Variants in IQCH observed in about 807,000 individuals in gnomAD.
IQCH encodes the protein IQ motif containing H.
A neutral mutation model predicts 117.0 loss-of-function variants in IQCH; 98 were observed. The observed-to-expected ratio is 0.84, with a 90% CI of 0.71 to 0.99. IQCH has a LOEUF of 0.99. IQCH is among the 50% of genes least tolerant of loss of function. The pLI, the probability that IQCH is intolerant of heterozygous loss-of-function variation, is 0.00. For synonymous variants in IQCH, 412 were observed against 448.2 expected, an observed-to-expected ratio of 0.92 and a Z score of 1.02; for missense variants, 1,102 against 1,243.8, an observed-to-expected ratio of 0.89 and a Z score of 1.72.
rs554569585 is a variant in IQCH, at chr15:67,474,642, G to A, written c.2677-1054G>A. 2.0e-4 allele frequency among the ~76,000 whole-genome samples: 30 copies of A among 148,734 alleles called. No individual in the cohort carries two copies. The highest frequency in any genetic ancestry group is 4.1e-4 in the East Asian group (2 of 4,916). On this transcript the variant is annotated intron_variant, in intron 17 of 20. Coordinates refer to ENST00000335894, the MANE Select transcript of IQCH (RefSeq NM_001031715.3). This position sits in a 1 kb window ranked among gnomAD's most constrained non-coding sequence, Gnocchi z 4.1. The stretch of plus-strand genomic sequence containing the variant: ...TAGACAAGCAAGATAAAGAAGAGCC[G>A]TTTCCCCAAAGAAAGCAGCATCAAA...
chr15:67,489,376 A>G (rs1298580818), intron 18 of IQCH, among the ~76,000 whole-genome samples: 1 of 151,760 alleles, frequency 6.6e-6, no homozygotes, highest in Non-Finnish European at 1.5e-5. Context: ...CCCAGGCTGG[A>G]GTGCAATGGC....
intron 10 of IQCH, among the ~76,000 whole-genome samples, chr15:67,377,532 C>T (rs2140807419): frequency 6.6e-6 from 1 of 152,310 alleles, no homozygotes; most frequent in South Asian, 2.1e-4. Flanking sequence ...ATTTTGCTCC[C>T]AGTTTCTTTG....
At chr15:67,478,080 C>T (rs2083248236) in intron 18 of IQCH, among the ~76,000 whole-genome samples, 1 of 152,108 alleles carries the variant, frequency 6.6e-6, no homozygotes, top group African/African-American at 2.4e-5. Context: ...TCACTGAAGA[C>T]AGCTACAGAA....
At chr15:67,471,402 A>G (rs2083068345) in intron 17 of IQCH, among the ~76,000 whole-genome samples, 1 of 152,190 alleles carries the variant, frequency 6.6e-6, no homozygotes, top group African/African-American at 2.4e-5. Flanking sequence ...TTCTATTTGT[A>G]TAATGCTTTA....
chr15:67,275,769 A>G (rs1039380907), intron 3 of IQCH, among the ~76,000 whole-genome samples: 8 of 151,988 alleles, frequency 5.3e-5, no homozygotes, highest in Non-Finnish European at 1.2e-4. Context: ...AGTCCCAGCT[A>G]CTCTGGAGGC....
intron 16 of IQCH, among the ~76,000 whole-genome samples, chr15:67,444,059 A>G (rs1298015409): frequency 5.9e-5 from 9 of 151,722 alleles, no homozygotes; most frequent in Non-Finnish European, 1.3e-4. Context: ...CACTGGATTG[A>G]TAGTGACTTG....
rs181906755 is a variant in IQCH at position 67,459,404 on chromosome 15, C to T, written c.2506-5723C>T. Among the ~76,000 whole-genome samples, 1 of 152,292 alleles carries T rather than the reference C, an allele frequency of 6.6e-6. No homozygotes were observed. Among genetic ancestry groups the T allele is most frequent in the East Asian group, 1.9e-4 (1 of 5,190 alleles). On this transcript the variant is annotated intron_variant, in intron 16 of 20. Coordinates refer to ENST00000335894, the MANE Select transcript of IQCH (RefSeq NM_001031715.3). This position sits in a 1 kb window ranked among gnomAD's most constrained non-coding sequence, Gnocchi z 4.2. ...CCCTTTGCTGAGAACTTTATTTGCACAGAATGTAGGGCCTGAGCACATCTG... is the reference window on the plus strand; with the variant it reads ...CCCTTTGCTGAGAACTTTATTTGCATAGAATGTAGGGCCTGAGCACATCTG...
intron 4 of IQCH, among the ~76,000 whole-genome samples, chr15:67,322,365 C>G (rs2140603272): frequency 6.6e-6 from 1 of 152,242 alleles, no homozygotes; most frequent in East Asian, 1.9e-4. Flanking sequence ...TACTTTCAAC[C>G]TGTGTCTTTA....
At chr15:67,270,312 A>C (rs1965848367) in intron 3 of IQCH, among the ~76,000 whole-genome samples, 1 of 152,210 alleles carries the variant, frequency 6.6e-6, no homozygotes, top group African/African-American at 2.4e-5. Context: ...CCTAGAGGAA[A>C]GGCATCCAGT....
rs1208834637 is a variant in IQCH, at chr15:67,465,538, C to T, written c.2676+241C>T. On this transcript the variant is annotated intron_variant, in intron 17 of 20. Transcript: ENST00000335894. The surrounding 1 kb of genome is among the most constrained non-coding windows in gnomAD (Gnocchi z 5.9). Reference sequence around the variant, plus strand: ...GCGAAAGAGCATGGGGCTCTCCTCCCCTTTTTCTAGGCAGGTACACCTACA... The same window carrying T: ...GCGAAAGAGCATGGGGCTCTCCTCCTCTTTTTCTAGGCAGGTACACCTACA... Among the ~76,000 whole-genome samples the T allele has an allele frequency of 6.6e-6, 1 of 152,128 alleles. No homozygotes were observed. Among genetic ancestry groups the T allele is most frequent in the Non-Finnish European group, 1.5e-5 (1 of 68,028 alleles).
chr15:67,478,327 G>A (rs1451043948), intron 18 of IQCH, among the ~76,000 whole-genome samples: 6 of 152,054 alleles, frequency 3.9e-5, no homozygotes, highest in Non-Finnish European at 8.8e-5. Context: ...AGAGGTTGCA[G>A]TGAGTCAAGA....
chr15:67,300,579 T>C (rs1459067768), intron 4 of IQCH, among the ~76,000 whole-genome samples: 16 of 152,198 alleles, frequency 1.1e-4, no homozygotes, highest in Admixed American at 1.0e-3. Context: ...GAATATGATA[T>C]TAAGCAATAT....
In IQCH at chr15:67,442,885, A is replaced by AT. The variant is rs1567193409; in HGVS notation, c.2505+21308_2505+21309insT. Among the ~76,000 whole-genome samples the AT allele has an allele frequency of 1.6e-3, 231 of 148,542 alleles. 2 individuals carry two copies. The highest frequency in any genetic ancestry group is 4.7e-3 in the African/African-American group (192 of 40,660). On this transcript the variant is annotated intron_variant, in intron 16 of 20. Coordinates refer to ENST00000335894, the MANE Select transcript of IQCH (RefSeq NM_001031715.3). ...ATAGATATACATATATATATATATA[A>AT]AATACATATAGATATACATACACAC...
intron 18 of IQCH, among the ~76,000 whole-genome samples, chr15:67,486,928 G>A (rs919866961): frequency 2.0e-5 from 3 of 152,154 alleles, no homozygotes; most frequent in Non-Finnish European, 2.9e-5. Flanking sequence ...TGCCCCATGT[G>A]GCTATTGGCT....
intron 15 of IQCH, among the ~76,000 whole-genome samples, chr15:67,420,798 T>G (rs1388147411): frequency 6.6e-6 from 1 of 152,242 alleles, no homozygotes; most frequent in East Asian, 1.9e-4. Context: ...TATATAGAAG[T>G]CCTTTGGCTG....
rs549650888 is a variant in IQCH at position 67,475,734 on chromosome 15, G to C, written c.2715G>C (p.Gln905His). The C allele has an allele frequency of 6.2e-7, 1 of 1,614,034 alleles. No homozygotes were observed. Among genetic ancestry groups the C allele is most frequent in the Admixed American group, 1.7e-5 (1 of 60,020 alleles). ...GTCGCTATGCAGTGATGACCACCCA[G>C]CTAAGACACAGCAATCTCTCACTGG... Reference protein sequence around the residue: ...ATSRYAVMTTQLRHSNLSLVF... With the variant: ...ATSRYAVMTTHLRHSNLSLVF... The change falls in exon 18 of 21, where the codon CAG becomes CAC. Residue 905 changes from glutamine (Q) to histidine (H), a missense_variant. Physicochemically the swap from Gln to His is conservative, Grantham distance 24 (BLOSUM62 0). Transcript: ENST00000335894. This position sits in a 1 kb window ranked among gnomAD's most constrained non-coding sequence, Gnocchi z 5.7.
At position 67,372,528 on chromosome 15, in the gene IQCH, T is replaced by C; in HGVS notation, c.1171T>C (p.Phe391Leu). 1 of 1,614,090 alleles carries C rather than the reference T, an allele frequency of 6.2e-7. No homozygotes were observed. The highest frequency in any genetic ancestry group is 1.7e-5 in the Admixed American group (1 of 60,014). Reference protein sequence around the residue: ...KCYKARKFFLFYRQQKWASGV... With the variant: ...KCYKARKFFLLYRQQKWASGV... ...CTACAAAGCAAGAAAATTCTTCCTCTTTTATCGCCAGCAGAAGTGGGCATC... is the reference window on the plus strand; with the variant it reads ...CTACAAAGCAAGAAAATTCTTCCTCCTTTATCGCCAGCAGAAGTGGGCATC... Residue 391 changes from phenylalanine to leucine, a missense_variant, in exon 9 of 21, where the codon TTT becomes CTT. By Grantham distance (22) the Phe-to-Leu change is conservative. Transcript: ENST00000335894.
intron 5 of IQCH, among the ~76,000 whole-genome samples, chr15:67,341,202 TA>T (rs879901568): frequency 2.0e-5 from 3 of 151,272 alleles, no homozygotes; most frequent in Non-Finnish European, 4.4e-5. Flanking sequence ...ACAGAGTGTC[TA>T]AAAAAAATAA....
intron 13 of IQCH, among the ~76,000 whole-genome samples, chr15:67,397,080 T>C (rs772946061): frequency 4.6e-5 from 7 of 152,230 alleles, no homozygotes; most frequent in African/African-American, 9.6e-5. Flanking sequence ...TTGACTCTGC[T>C]TCACAGCAGA....
Sources: gnomAD v4.1 joint callset for allele counts (sites outside exome capture counted in the v4.1 genomes callset) on GRCh38, gnomAD v4.1.1 for gene constraint, Gnocchi (gnomAD v3.1) non-coding constraint, MANE v1.5 for transcripts, NCBI Gene and HGNC (gene_info 2026-07-23, HGNC 2026-07-21) for gene names.